Variants in POLR1A observed in about 807,000 individuals in gnomAD.
The protein encoded by POLR1A is DNA-directed RNA polymerase I subunit RPA1.
POLR1A carries 84 observed loss-of-function variants against 205.3 expected under a neutral mutation model. The observed-to-expected ratio is 0.41, with a 90% CI of 0.34 to 0.49. POLR1A has a LOEUF of 0.49. Ranked by LOEUF, POLR1A falls within the 20% of genes least tolerant of loss-of-function variation. POLR1A has a pLI of 0.22. For missense variants in POLR1A, 1,645 were observed against 2,204.5 expected (o/e 0.75, Z 5.08); for synonymous variants, 799 against 863.7 (o/e 0.93, Z 1.31).
At position 86,024,658 on chromosome 2, in the gene POLR1A, A is replaced by T. The variant is rs1453468802; in HGVS notation, c.*2765T>A. The T allele has an allele frequency of 1.3e-5, 2 of 151,990 alleles. No individual in the cohort carries two copies. 9.4% of individuals were successfully genotyped at this position (151,990 alleles called of 1,614,324 possible). On this transcript the variant is annotated 3_prime_UTR_variant, in exon 34 of 34. Coordinates refer to ENST00000263857, the MANE Select transcript of POLR1A (RefSeq NM_015425.6). ...ACCACCCAGCACTTTGGGAGGCCACAGTGGGAGGACCGCTTGAGCCTAGGA... is the reference window on the plus strand; with the variant it reads ...ACCACCCAGCACTTTGGGAGGCCACTGTGGGAGGACCGCTTGAGCCTAGGA...
At position 86,044,273 on chromosome 2, in the gene POLR1A, C is replaced by G; in HGVS notation, c.3001G>C (p.Val1001Leu). 1 of 1,614,162 alleles carries G rather than the reference C, an allele frequency of 6.2e-7. No homozygotes were observed. The highest frequency in any genetic ancestry group is 2.2e-5 in the East Asian group (1 of 44,880). Reference sequence around the variant, plus strand: ...TCACGGACCGTGAGATCATACTGCACGACCAGCCCCTCTAGGTGCTTGATG... The same window carrying G: ...TCACGGACCGTGAGATCATACTGCAGGACCAGCCCCTCTAGGTGCTTGATG... Reference protein sequence around the residue: ...CIIKHLEGLVVQYDLTVRDSD... With the variant: ...CIIKHLEGLVLQYDLTVRDSD... Residue 1001 changes from valine (V) to leucine (L), a missense_variant, in exon 22 of 34, where the codon GTG becomes CTG. Val to Leu is a conservative substitution (Grantham distance 32). This residue lies in a region of POLR1A where 17 missense variants were observed against 25.0 expected (regional missense o/e 0.68). Transcript: ENST00000263857.
At chr2:86,062,879 A>C (rs956834326) in intron 14 of POLR1A, among the ~76,000 whole-genome samples, 1 of 152,228 alleles carries the variant, frequency 6.6e-6, no homozygotes, top group Non-Finnish European at 1.5e-5. Context: ...CAGATAGAAA[A>C]GGTCAACAAA....
At chr2:86,058,088 T>TCTCTA (rs142733694) in intron 14 of POLR1A, among the ~76,000 whole-genome samples, 8,227 of 152,084 alleles carry the variant, frequency 0.054, 347 homozygotes, top group East Asian at 0.23. Context: ...TACTCTACTC[T>TCTCTA]CTCTACTCTA....
At chr2:86,079,083 G>C (rs1381192389) in intron 9 of POLR1A, among the ~76,000 whole-genome samples, 1 of 152,154 alleles carries the variant, frequency 6.6e-6, no homozygotes, top group African/African-American at 2.4e-5. Flanking sequence ...TCAGTGTCTT[G>C]AGGTGGGAGG....
chr2:86,094,561 AG>A (rs1673672310), intron 3 of POLR1A, among the ~76,000 whole-genome samples: 2 of 152,206 alleles, frequency 1.3e-5, no homozygotes, highest in Non-Finnish European at 2.9e-5. Context: ...GAAAACAAGA[AG>A]GGGGTGCTAG....
chr2:86,081,544 T>C (rs1673401429), intron 8 of POLR1A, 57 bp downstream of exon 8: 3 of 1,132,998 alleles, frequency 2.6e-6, no homozygotes, highest in Non-Finnish European at 3.9e-6. Context: ...AGAGGTCACA[T>C]TTCAGTTCCT....
intron 12 of POLR1A, among the ~76,000 whole-genome samples, chr2:86,071,598 A>C (rs1397931724): frequency 2.0e-5 from 3 of 152,252 alleles, no homozygotes; most frequent in Non-Finnish European, 4.4e-5. Context: ...CAGAAAATAC[A>C]ATTTAAAGAT....
chr2:86,053,086 G>A (rs1009525671), intron 15 of POLR1A, 86 bp from the exon 16 acceptor site: 14 of 988,736 alleles, frequency 1.4e-5, no homozygotes, highest in Admixed American at 3.4e-5. Context: ...TGTGACCCTC[G>A]TTGTGCAAGT....
Position 86,089,814 on chromosome 2 carries a change from T to C in POLR1A, c.540+8A>G. 1 of 1,512,622 alleles carries C rather than the reference T, an allele frequency of 6.6e-7. No individual in the cohort carries two copies. The highest frequency in any genetic ancestry group is 9.2e-7 in the Non-Finnish European group (1 of 1,087,188). The allele number at this position is 1,512,622 out of a possible 1,614,324, so 93.7% of individuals were successfully genotyped here. Reference sequence around the variant, plus strand: ...AAACAGCATGGGAGAAAGACAGTGTTAACTCACATGTGCGCCCTGGGACCC... The same window carrying C: ...AAACAGCATGGGAGAAAGACAGTGTCAACTCACATGTGCGCCCTGGGACCC... On this transcript the variant is annotated splice_region_variant and intron_variant, in intron 4 of 33. Coordinates refer to ENST00000263857, the MANE Select transcript of POLR1A (RefSeq NM_015425.6).
In POLR1A at chr2:86,028,211, G is replaced by A. The variant is rs943243311; in HGVS notation, c.4898-162C>T. ...TGCTCACGCTACTTAACCCTTCCCC[G>A]TGGTCTGGGGCATCTTTCCCTGACC... is the stretch of plus-strand genomic sequence containing the variant. On this transcript the variant is annotated intron_variant, in intron 32 of 33. Coordinates refer to ENST00000263857, the MANE Select transcript of POLR1A (RefSeq NM_015425.6). The surrounding 1 kb of genome is among the most constrained non-coding windows in gnomAD (Gnocchi z 4.5). Among the ~76,000 whole-genome samples, 2 of 152,120 alleles carry A rather than the reference G, an allele frequency of 1.3e-5. No individual in the cohort carries two copies. Among genetic ancestry groups the A allele is most frequent in the South Asian group, 2.1e-4 (1 of 4,826 alleles).
intron 3 of POLR1A, among the ~76,000 whole-genome samples, chr2:86,096,453 A>T (rs528741965): frequency 6.6e-6 from 1 of 152,328 alleles, no homozygotes; most frequent in African/African-American, 2.4e-5. Flanking sequence ...GAACCATAAA[A>T]GACCCTGAAT....
At chr2:86,042,919 C>T in intron 23 of POLR1A, 55 bp downstream of exon 23, 2 of 1,292,358 alleles carry the variant, frequency 1.5e-6, no homozygotes, top group East Asian at 2.3e-5. Flanking sequence ...CATCCCTCAC[C>T]CACTGACTAA....
chr2:86,064,795 C>A (rs1044829904), intron 14 of POLR1A, among the ~76,000 whole-genome samples: 1 of 151,366 alleles, frequency 6.6e-6, no homozygotes, highest in Non-Finnish European at 1.5e-5. Context: ...CACTCTGTTG[C>A]CCAGGCAGGA....
At chr2:86,098,339 T>G (rs1673745677) in intron 3 of POLR1A, among the ~76,000 whole-genome samples, 1 of 152,242 alleles carries the variant, frequency 6.6e-6, no homozygotes, top group Non-Finnish European at 1.5e-5. Context: ...GTCTTTTGAT[T>G]GAATAAACCT....
chr2:86,054,245 G>C lies in POLR1A; in HGVS notation c.2103C>G (p.Ile701Met). 1.2e-6 allele frequency: 2 copies of C among 1,613,984 alleles called. No homozygotes were observed. The highest frequency in any genetic ancestry group is 1.7e-6 in the Non-Finnish European group (2 of 1,179,842). The change falls in exon 15 of 34, where the codon ATC becomes ATG. Residue 701 changes from isoleucine to methionine, a missense_variant. By Grantham distance (10) the Ile-to-Met change is conservative. Coordinates refer to ENST00000263857, the MANE Select transcript of POLR1A (RefSeq NM_015425.6). ...TCGCCTTTCCAGATAAGTTCAGTGG[G>C]ATGTGGTCCTCTGGGATTATATTTA... ...LLINIIPEDH[I>M]PLNLSGKAKI...
At position 86,070,954 on chromosome 2, in the gene POLR1A, C is replaced by T. The variant is rs913296149; in HGVS notation, c.1612-682G>A. ...GCTCTTCAAGAAAAAAAAAAGCACCCACACAAGGTTAGATGAGTATGTATG... is the reference window on the plus strand; with the variant it reads ...GCTCTTCAAGAAAAAAAAAAGCACCTACACAAGGTTAGATGAGTATGTATG... On this transcript the variant is annotated intron_variant, in intron 12 of 33. Coordinates refer to ENST00000263857, the MANE Select transcript of POLR1A (RefSeq NM_015425.6). This position sits in a 1 kb window ranked among gnomAD's most constrained non-coding sequence, Gnocchi z 4.4. Among the ~76,000 whole-genome samples, 3 of 151,814 alleles carry T rather than the reference C, an allele frequency of 2.0e-5. No individual in the cohort carries two copies. Among genetic ancestry groups the T allele is most frequent in the Non-Finnish European group, 2.9e-5 (2 of 67,964 alleles).
At chr2:86,055,035 G>A (rs745807192) in intron 14 of POLR1A, among the ~76,000 whole-genome samples, 23 of 152,194 alleles carry the variant, frequency 1.5e-4, no homozygotes, top group African/African-American at 4.8e-5. Flanking sequence ...GGTGGCTCAC[G>A]CCTGTAATCC....
chr2:86,033,776 A>C lies in POLR1A; in HGVS notation c.4046T>G (p.Leu1349Arg). The change falls in exon 28 of 34, where the codon CTT becomes CGT. Residue 1349 changes from leucine (L) to arginine (R), a missense_variant. By Grantham distance (102) the Leu-to-Arg change is moderately radical. Transcript: ENST00000263857. ...LRFMETRFFKLLMESIKKKNN... is the reference protein window; with the variant it reads ...LRFMETRFFKRLMESIKKKNN... ...CTTCTTTTTGATGGATTCCATCAGA[A>C]GTTTAAAGAATCTAAAACAAGAAGA... The C allele has an allele frequency of 1.9e-6, 3 of 1,614,060 alleles. No individual in the cohort carries two copies. Among genetic ancestry groups the C allele is most frequent in the Non-Finnish European group, 2.5e-6 (3 of 1,180,012 alleles).
rs1449586577 is a variant in POLR1A at position 86,028,040 on chromosome 2, A to G, written c.4907T>C (p.Val1636Ala). The change falls in exon 33 of 34, where the codon GTC becomes GCC. Residue 1636 changes from valine to alanine, a missense_variant. Coordinates refer to ENST00000263857, the MANE Select transcript of POLR1A (RefSeq NM_015425.6). This position sits in a 1 kb window ranked among gnomAD's most constrained non-coding sequence, Gnocchi z 4.5. The part of the protein sequence containing the change: ...KDVFAVYGIA[V>A]DPRHLSLVAD... The stretch of plus-strand genomic sequence containing the variant: ...AACCAGGGAGAGATGGCGAGGGTCG[A>G]CCGCGATGCCTGTCAAACGGGAGGT... The G allele has an allele frequency of 3.1e-6, 5 of 1,614,196 alleles. No homozygotes were observed. Among genetic ancestry groups the G allele is most frequent in the Non-Finnish European group, 4.2e-6 (5 of 1,180,022 alleles).
Sources: gnomAD v4.1 joint callset for allele counts (sites outside exome capture counted in the v4.1 genomes callset) on GRCh38, gnomAD v4.1.1 for gene constraint, gnomAD v4.1.1 regional missense constraint, Gnocchi (gnomAD v3.1) non-coding constraint, MANE v1.5 for transcripts, NCBI Gene and HGNC (gene_info 2026-07-23, HGNC 2026-07-21) for gene names.